The following TMEM9 variants were observed in gnomAD, a reference collection of about 807,000 sequenced individuals.
TMEM9 encodes the protein transmembrane protein 9, also known as proton-transporting V-type ATPase complex assembly regulator TMEM9.
In TMEM9, 13 loss-of-function variants were observed where a neutral mutation model predicts 22.8. The ratio of observed to expected loss-of-function variants is 0.57; its 90% CI spans 0.37 to 0.91. The LOEUF (loss-of-function observed/expected upper bound fraction) is 0.91. TMEM9 is among the 40% of genes least tolerant of loss of function. The probability of loss-of-function intolerance (pLI) is 0.01; values close to 1 mark genes in which losing one functional copy is unlikely to be tolerated. For missense variants in TMEM9, 182 were observed against 238.1 expected, an observed-to-expected ratio of 0.76 and a Z score of 1.55; for synonymous variants, 88 against 93.0, an observed-to-expected ratio of 0.95 and a Z score of 0.31.
At chr1:201,150,811 T>C (rs192623958) in intron 2 of TMEM9, among the ~76,000 whole-genome samples, 2 of 152,258 alleles carry the variant, frequency 1.3e-5, no homozygotes, top group Admixed American at 6.5e-5. Flanking sequence ...ACTGGAAATG[T>C]GTATTTTCTC....
chr1:201,148,411 C>T (rs1008991848), intron 2 of TMEM9, among the ~76,000 whole-genome samples: 1 of 152,186 alleles, frequency 6.6e-6, no homozygotes. Flanking sequence ...CTACAGAATG[C>T]ACCTTCATTA....
At chr1:201,152,353 A>G (rs1037295942) in intron 1 of TMEM9, among the ~76,000 whole-genome samples, 11 of 152,198 alleles carry the variant, frequency 7.2e-5, no homozygotes, top group African/African-American at 2.4e-4. Context: ...TACTCAAGCA[A>G]CCCCTTTGAA....
Position 201,135,523 on chromosome 1 carries a change from T to G in TMEM9, c.*140A>C. ...TAGCCAAGTACAACATTTCTAAAGTTAGGGAGAAGGAGGAAAAATGCCACA... is the reference window on the plus strand; with the variant it reads ...TAGCCAAGTACAACATTTCTAAAGTGAGGGAGAAGGAGGAAAAATGCCACA... On this transcript the variant is annotated 3_prime_UTR_variant, in exon 5 of 5. Transcript: ENST00000367330. 1.2e-6 allele frequency: 1 copy of G among 834,908 alleles called. No individual in the cohort carries two copies. Among genetic ancestry groups the G allele is most frequent in the Non-Finnish European group, 1.8e-6 (1 of 563,890 alleles). 51.7% of individuals were successfully genotyped at this position (834,908 alleles called of 1,614,324 possible).
chr1:201,171,027 T>C lies in TMEM9; in HGVS notation c.-37+463A>G, dbSNP rs979050164. On this transcript the variant is annotated intron_variant, in intron 1 of 5. Coordinates refer to the TMEM9 transcript ENST00000367333. The stretch of plus-strand genomic sequence containing the variant: ...TCTCTCACCAGGCGACAAGGCTTGT[T>C]GTGCCCGAGACAGGCACAGCTCAGA... Among the ~76,000 whole-genome samples, 15 of 152,356 alleles carry C rather than the reference T, an allele frequency of 9.8e-5. No individual in the cohort carries two copies. In the East Asian group the frequency reaches 1.2e-3, roughly 12 times the overall value.
At chr1:201,135,849 A>G in intron 4 of TMEM9, 34 bp from the exon 5 acceptor site, 2 of 1,552,068 alleles carry the variant, frequency 1.3e-6, no homozygotes, top group Non-Finnish European at 1.7e-6. Flanking sequence ...AAGATCTGGC[A>G]CGGTAAGCCA....
At position 201,146,728 on chromosome 1, in the gene TMEM9, C is replaced by T. The variant is rs373765334; in HGVS notation, c.267+12G>A. 4.0e-5 allele frequency: 64 copies of T among 1,613,644 alleles called. No homozygotes were observed. Among genetic ancestry groups the T allele is most frequent in the Non-Finnish European group, 5.3e-5 (63 of 1,179,652 alleles). ...TGGGAATCCCACTGGCTTCCTGAGACCCTGGCGTTACCTTGATGGTGGTGG... is the reference window on the plus strand; with the variant it reads ...TGGGAATCCCACTGGCTTCCTGAGATCCTGGCGTTACCTTGATGGTGGTGG... On this transcript the variant is annotated intron_variant, in intron 3 of 4. Transcript: ENST00000367330.
rs565852218 is a variant in TMEM9 at position 201,139,702 on chromosome 1, CTTAAGTA to C, written c.400-3894_400-3888del. ...CTTCCCTCCAGCAATCATGATGCTACTTAAGTATTAACACCTGATTGAAATAGCGCAT... is the reference window on the plus strand; with the variant it reads ...CTTCCCTCCAGCAATCATGATGCTACTTAACACCTGATTGAAATAGCGCAT... On this transcript the variant is annotated intron_variant, in intron 4 of 4. Transcript: ENST00000367330. 1.4e-3 allele frequency among the ~76,000 whole-genome samples: 206 copies of C among 152,334 alleles called. 1 individual carries two copies. The highest frequency in any genetic ancestry group is 2.1e-3 in the Non-Finnish European group (140 of 68,042).
At chr1:201,164,097 G>A (rs1666014086) in intron 1 of TMEM9, among the ~76,000 whole-genome samples, 1 of 152,218 alleles carries the variant, frequency 6.6e-6, no homozygotes, top group Non-Finnish European at 1.5e-5. Context: ...CAACTTTGAT[G>A]AATCTTCAGA....
chr1:201,146,706 G>A (rs1218999344), intron 3 of TMEM9, 34 bp downstream of exon 3: 2 of 1,596,516 alleles, frequency 1.3e-6, no homozygotes, highest in Non-Finnish European at 1.7e-6. Context: ...TGGCGTGTGG[G>A]AATCCCACTG....
intron 2 of TMEM9, among the ~76,000 whole-genome samples, chr1:201,151,538 C>A (rs528661833): frequency 6.6e-6 from 1 of 152,222 alleles, no homozygotes; most frequent in Non-Finnish European, 1.5e-5. Flanking sequence ...AAAATCCACT[C>A]CTCTAGCCAG....
At chr1:201,146,664 C>T in intron 3 of TMEM9, 76 bp downstream of exon 3, 22 of 1,439,494 alleles carry the variant, frequency 1.5e-5, no homozygotes, top group Non-Finnish European at 2.2e-5. Flanking sequence ...AAGTGAAAAA[C>T]TGTGGGTGTA....
chr1:201,165,443 C>CTTTCT lies in TMEM9; in HGVS notation c.-37+6046_-37+6047insAGAAA, dbSNP rs1553259494. Among the ~76,000 whole-genome samples, 86 of 144,106 alleles carry CTTTCT rather than the reference C, an allele frequency of 6.0e-4. No homozygotes were observed. The South Asian group carries it at 0.016, about 26-fold the overall frequency. 94.5% of individuals were successfully genotyped at this position (144,106 alleles called of 152,430 possible). A position where few individuals can be genotyped will look rare whatever the true frequency, so the allele number is the denominator to read the frequency against. On this transcript the variant is annotated intron_variant, in intron 1 of 5. Transcript: ENST00000367333. The stretch of plus-strand genomic sequence containing the variant: ...TTGTCTTTTAATTTTCTTTTTCTTT[C>CTTTCT]TTTTTTTTTTTTGAGACAGAGTCTT...
At chr1:201,161,174 G>A (rs1379035465) in intron 1 of TMEM9, among the ~76,000 whole-genome samples, 1 of 151,940 alleles carries the variant, frequency 6.6e-6, no homozygotes, top group Non-Finnish European at 1.5e-5. Flanking sequence ...CTTACCATCT[G>A]GTTGAATAGA....
intron 2 of TMEM9, among the ~76,000 whole-genome samples, chr1:201,149,947 T>C (rs1294109252): frequency 6.6e-6 from 1 of 152,218 alleles, no homozygotes; most frequent in African/African-American, 2.4e-5. Flanking sequence ...TTAATGGAGC[T>C]GCCCTGAGGT....
intron 1 of TMEM9, among the ~76,000 whole-genome samples, chr1:201,166,749 T>A (rs142077895): frequency 4.6e-5 from 7 of 152,336 alleles, no homozygotes; most frequent in African/African-American, 1.4e-4. Context: ...TTTTGTTTTT[T>A]AATTTTTTAA....
At chr1:201,160,544 G>A (rs921476610) in intron 1 of TMEM9, among the ~76,000 whole-genome samples, 17 of 151,232 alleles carry the variant, frequency 1.1e-4, no homozygotes, top group South Asian at 6.3e-4. Context: ...AGCCGAGATC[G>A]CGCCATTGCA....
At chr1:201,150,430 T>C (rs1665328648) in intron 2 of TMEM9, among the ~76,000 whole-genome samples, 1 of 152,150 alleles carries the variant, frequency 6.6e-6, no homozygotes, top group South Asian at 2.1e-4. Context: ...CTAAGTGCTA[T>C]AGTTACTGAC....
At chr1:201,157,929 A>T (rs1308615196), upstream of TMEM9, among the ~76,000 whole-genome samples, 4 of 152,204 alleles carry the variant, frequency 2.6e-5, no homozygotes, top group Non-Finnish European at 5.9e-5. Context: ...ACTTGTGAAT[A>T]CTGTCTTACA....
chr1:201,146,977 G>A (rs1231441892), intron 2 of TMEM9, 129 bp from the exon 3 acceptor site: 15 of 743,838 alleles, frequency 2.0e-5, no homozygotes, highest in Middle Eastern at 3.7e-4. Flanking sequence ...CTCCCAGAGA[G>A]GGCCAAGGGC....
Sources: gnomAD v4.1 joint callset for allele counts (sites outside exome capture counted in the v4.1 genomes callset) on GRCh38, gnomAD v4.1.1 for gene constraint, MANE v1.5 for transcripts, NCBI Gene and HGNC (gene_info 2026-07-23, HGNC 2026-07-21) for gene names.